DNAH17: variants seen among roughly 807,000 people sequenced by gnomAD.
DNAH17 encodes the protein axonemal beta dynein heavy chain 17.
A neutral mutation model predicts 485.6 loss-of-function variants in DNAH17; 376 were observed. The ratio of observed to expected loss-of-function variants is 0.77; its 90% CI spans 0.71 to 0.84. DNAH17 has a LOEUF of 0.84. Among genes scored for constraint, DNAH17 ranks in the 40% least tolerant of loss-of-function variants. The probability of loss-of-function intolerance (pLI) is 0.00; values close to 1 mark genes in which losing one functional copy is unlikely to be tolerated. For missense variants in DNAH17, 6,370 were observed against 5,839.3 expected (o/e 1.09, Z -2.96); for synonymous variants, 3,031 against 2,405.9 (o/e 1.26, Z -7.60).
rs149203415 is a variant in DNAH17 at position 78,567,609 on chromosome 17, G to T, written c.1285-443C>A. Among the ~76,000 whole-genome samples, 50 of 152,254 alleles carry T rather than the reference G, an allele frequency of 3.3e-4. No homozygotes were observed. In the East Asian group the frequency reaches 8.9e-3, roughly 27 times the overall value. ...GGAAGACCATCCTATGCAGAGTGCC[G>T]TGTCCCGAAGGTGATCCAAGAAGAA... On this transcript the variant is annotated intron_variant, in intron 9 of 80. Transcript: ENST00000389840.
At chr17:78,511,479 C>T (rs1174962697) in intron 26 of DNAH17, among the ~76,000 whole-genome samples, 2 of 152,216 alleles carry the variant, frequency 1.3e-5, no homozygotes, top group Non-Finnish European at 2.9e-5. Flanking sequence ...GAATCCACCA[C>T]CTTTGGCAGC....
At chr17:78,458,395 C>G (rs2087914190) in intron 62 of DNAH17, 170 bp downstream of exon 62, 1 of 621,630 alleles carries the variant, frequency 1.6e-6, no homozygotes, top group African/African-American at 1.8e-5. Flanking sequence ...AGGCCACTGA[C>G]TATGCAAGAG....
intron 36 of DNAH17, chr17:78,499,450 G>A (rs1020522443): frequency 4.1e-5 from 7 of 168,682 alleles, no homozygotes; most frequent in African/African-American, 7.1e-5. Flanking sequence ...TGCGTGGAGA[G>A]GAGAGGGAGT....
chr17:78,547,122 A>T (rs1275168605), intron 16 of DNAH17, among the ~76,000 whole-genome samples: 1 of 152,150 alleles, frequency 6.6e-6, no homozygotes, highest in Non-Finnish European at 1.5e-5. Context: ...ATCTCTTTAT[A>T]TACTTACCTC....
At chr17:78,480,285 G>A (rs939554782) in intron 49 of DNAH17, among the ~76,000 whole-genome samples, 10 of 151,934 alleles carry the variant, frequency 6.6e-5, no homozygotes, top group Non-Finnish European at 2.9e-5. Flanking sequence ...GGAAGCGGAG[G>A]TTGCAGTGAG....
rs1205139497 is a variant in DNAH17, at chr17:78,486,136, G to A, written c.7102-3C>T. 1 of 1,612,110 alleles carries A rather than the reference G, an allele frequency of 6.2e-7. No individual in the cohort carries two copies. The highest frequency in any genetic ancestry group is 8.5e-7 in the Non-Finnish European group (1 of 1,178,792). On this transcript the variant is annotated splice_polypyrimidine_tract_variant and splice_region_variant and intron_variant, in intron 45 of 80. Transcript: ENST00000389840. ...AACTCCACTCGATAATCCACAAGCT[G>A]TTGAGACACAGAAGTAAAAATCAGG...
At chr17:78,472,273 G>A (rs1821871281) in intron 54 of DNAH17, among the ~76,000 whole-genome samples, 1 of 145,870 alleles carries the variant, frequency 6.9e-6, no homozygotes, top group African/African-American at 2.8e-5. Context: ...TTAGGGAGTA[G>A]GGGTGCGAGG....
chr17:78,568,088 G>A (rs915858538), intron 9 of DNAH17, among the ~76,000 whole-genome samples: 3 of 152,162 alleles, frequency 2.0e-5, no homozygotes, highest in African/African-American at 4.8e-5. Flanking sequence ...CACCCGACGC[G>A]GAGGACACAG....
intron 44 of DNAH17, among the ~76,000 whole-genome samples, chr17:78,488,733 A>C (rs1386883687): frequency 1.3e-5 from 2 of 152,178 alleles, no homozygotes; most frequent in South Asian, 2.1e-4. Flanking sequence ...TTGAGACAAG[A>C]TCATCCTGGA....
Position 78,486,480 on chromosome 17 carries a change from C to A in DNAH17, c.6845G>T (p.Arg2282Leu), listed in dbSNP as rs775863298. ...GTTGGCCTTCTCCGACTGCACCTTG[C>A]GCCTCTCGATCCAGCTGCTCACCAC... ...NPVVSSWIER[R>L]KVQSEKANLM... is the part of the protein sequence containing the mutation. Residue 2282 changes from arginine to leucine, a missense_variant, in exon 45 of 81, where the codon CGC becomes CTC. By Grantham distance (102) the Arg-to-Leu change is moderately radical (BLOSUM62 -2). Transcript: ENST00000389840. 12 of 1,611,084 alleles carry A rather than the reference C, an allele frequency of 7.4e-6. No individual in the cohort carries two copies. Among genetic ancestry groups the A allele is most frequent in the Middle Eastern group, 1.7e-4 (1 of 6,052 alleles).
intron 32 of DNAH17, 86 bp downstream of exon 32, chr17:78,502,800 C>G (rs923977487): frequency 1.9e-6 from 3 of 1,588,022 alleles, no homozygotes; most frequent in African/African-American, 2.7e-5. Context: ...CAGGGGACCA[C>G]AGTTAACAGC....
At chr17:78,461,743 G>A in intron 57 of DNAH17, 35 bp from the exon 58 acceptor site, 2 of 1,587,520 alleles carry the variant, frequency 1.3e-6, no homozygotes, top group Non-Finnish European at 1.7e-6. Context: ...AGCAAGTGTG[G>A]GCCGCAGCCG....
chr17:78,571,563 A>G, intron 4 of DNAH17, 27 bp downstream of exon 4: 1 of 1,612,788 alleles, frequency 6.2e-7, no homozygotes, highest in Non-Finnish European at 8.5e-7. Context: ...ACGAGGCTGC[A>G]GCCCCACAGG....
Position 78,507,182 on chromosome 17 carries a change from G to A in DNAH17, c.4676+96C>T, listed in dbSNP as rs549428430. The A allele has an allele frequency of 9.4e-5, 135 of 1,432,110 alleles. 3 individuals carry two copies. In the Middle Eastern group the frequency reaches 2.2e-3, roughly 23 times the overall value. 88.7% of individuals were successfully genotyped at this position (1,432,110 alleles called of 1,614,324 possible). On this transcript the variant is annotated intron_variant, in intron 29 of 80. Transcript: ENST00000389840. Reference sequence around the variant, plus strand: ...AGGACCCATGGTTTTGCCCTGTCCTGGCCAGCAGGCTGCACAAGACTTAAG... The same window carrying A: ...AGGACCCATGGTTTTGCCCTGTCCTAGCCAGCAGGCTGCACAAGACTTAAG...
Position 78,525,168 on chromosome 17 carries a change from G to C in DNAH17, c.3712-7C>G, listed in dbSNP as rs1471878203. 3.7e-6 allele frequency: 6 copies of C among 1,611,068 alleles called. No homozygotes were observed. The highest frequency in any genetic ancestry group is 4.2e-6 in the Non-Finnish European group (5 of 1,178,746). On this transcript the variant is annotated splice_polypyrimidine_tract_variant and splice_region_variant and intron_variant, in intron 24 of 80. Coordinates refer to ENST00000389840, the MANE Select transcript of DNAH17 (RefSeq NM_173628.4). Reference sequence around the variant, plus strand: ...CGGAGATGCTCTTTTGTTGCTAGGGGCGGCGAGGGGGCCGTCAGTAGGGCT... The same window carrying C: ...CGGAGATGCTCTTTTGTTGCTAGGGCCGGCGAGGGGGCCGTCAGTAGGGCT...
chr17:78,457,793 T>TG (rs2087882862), intron 62 of DNAH17, among the ~76,000 whole-genome samples: 2 of 151,568 alleles, frequency 1.3e-5, no homozygotes, highest in African/African-American at 4.8e-5. Context: ...CCCAAATAGC[T>TG]GGGATAACAG....
chr17:78,480,848 C>T (rs201335401), intron 48 of DNAH17, 62 bp from the exon 49 acceptor site: 3 of 1,172,998 alleles, frequency 2.6e-6, no homozygotes, highest in Non-Finnish European at 3.8e-6. Context: ...CCCCTGCCCC[C>T]ACTGTGCTCC....
chr17:78,454,744 G>A (rs747662446), intron 63 of DNAH17, 39 bp from the exon 64 acceptor site: 4 of 1,535,696 alleles, frequency 2.6e-6, no homozygotes, highest in Non-Finnish European at 3.6e-6. Context: ...GGGGTAATGC[G>A]ACCTTATTAC....
At position 78,425,476 on chromosome 17, in the gene DNAH17, C is replaced by T. The variant is rs1467915549; in HGVS notation, c.13011G>A (p.Gln4337=). 2.5e-6 allele frequency: 4 copies of T among 1,613,896 alleles called. No individual in the cohort carries two copies. Among genetic ancestry groups the T allele is most frequent in the African/African-American group, 1.3e-5 (1 of 74,924 alleles). ...GCCACTCGTTCTTCCTGGCCATGGA[C>T]TGCATGATGGCCGTGAGGAACGACT... is the stretch of plus-strand genomic sequence containing the variant. ...NPQSFLTAIM[Q]SMARKNEWPL... The change falls in exon 80 of 81, where the codon CAG becomes CAA. Residue 4337 remains glutamine, a synonymous_variant. Coordinates refer to ENST00000389840, the MANE Select transcript of DNAH17 (RefSeq NM_173628.4).
Sources: allele counts gnomAD v4.1 joint callset (sites outside exome capture counted in the v4.1 genomes callset), GRCh38; gene constraint gnomAD v4.1.1; transcripts MANE v1.5; gene names NCBI Gene and HGNC (gene_info 2026-07-23, HGNC 2026-07-21).